Variants in ROBO2 observed in about 807,000 individuals in gnomAD.
ROBO2 encodes the protein roundabout guidance receptor 2.
In ROBO2, 53 loss-of-function variants were observed where a neutral mutation model predicts 160.8. The ratio of observed to expected loss-of-function variants is 0.33; its 90% CI spans 0.26 to 0.41. The LOEUF (loss-of-function observed/expected upper bound fraction) is 0.41. ROBO2 is among the 10% of genes least tolerant of loss of function. The pLI is 1.00. For missense variants in ROBO2, 1,577 were observed against 1,722.4 expected (o/e 0.92, Z 1.49); for synonymous variants, 664 against 611.7 (o/e 1.09, Z -1.26).
At chr3:76,850,469 A>C (rs947557546) in intron 2 of ROBO2, among the ~76,000 whole-genome samples, 2 of 152,112 alleles carry the variant, frequency 1.3e-5, no homozygotes, top group African/African-American at 4.8e-5. Flanking sequence ...GGATAAATAA[A>C]TACTCCAGCT....
At chr3:75,981,920 C>G (rs1170019433) in intron 2 of ROBO2, among the ~76,000 whole-genome samples, 1 of 151,294 alleles carries the variant, frequency 6.6e-6, no homozygotes, top group East Asian at 1.9e-4. Context: ...TCCCAAAAAC[C>G]CCCTACCCTT....
At chr3:77,375,701 T>G (rs771563185) in intron 2 of ROBO2, among the ~76,000 whole-genome samples, 12 of 152,216 alleles carry the variant, frequency 7.9e-5, no homozygotes, top group Non-Finnish European at 1.2e-4. Context: ...GGTTCTCAAC[T>G]GTTTTCTTCC....
intron 2 of ROBO2, among the ~76,000 whole-genome samples, chr3:76,848,221 A>T (rs2068964141): frequency 6.6e-6 from 1 of 152,166 alleles, no homozygotes; most frequent in Admixed American, 6.6e-5. Flanking sequence ...TCTCCAAATA[A>T]ATCTTATATT....
intron 2 of ROBO2, among the ~76,000 whole-genome samples, chr3:76,978,874 CT>C (rs202143795): frequency 2.5e-4 from 38 of 149,132 alleles, no homozygotes; most frequent in South Asian, 1.5e-3. Flanking sequence ...TCTTGTTTTA[CT>C]TTTTTTTGTG....
intron 2 of ROBO2, among the ~76,000 whole-genome samples, chr3:76,519,299 G>A (rs536360455): frequency 2.0e-5 from 3 of 152,274 alleles, no homozygotes; most frequent in Admixed American, 6.5e-5. Context: ...TTCCTACTAC[G>A]TGAGCAGAGT....
At chr3:75,916,501 G>C (rs1218937183) in intron 1 of ROBO2, among the ~76,000 whole-genome samples, 1 of 152,052 alleles carries the variant, frequency 6.6e-6, no homozygotes, top group East Asian at 1.9e-4. Context: ...TGCTTTTATT[G>C]ACAGAACAAG....
intron 2 of ROBO2, among the ~76,000 whole-genome samples, chr3:77,336,333 T>TATCCAACA (rs536454262): frequency 3.0e-3 from 459 of 152,246 alleles, no homozygotes; most frequent in Non-Finnish European, 4.1e-3. Context: ...TTGTAACATT[T>TATCCAACA]ATCCAACAAG....
At chr3:76,374,183 A>T (rs1402480170) in intron 2 of ROBO2, among the ~76,000 whole-genome samples, 1 of 151,924 alleles carries the variant, frequency 6.6e-6, no homozygotes, top group South Asian at 2.1e-4. Flanking sequence ...TCATGGAAGG[A>T]GCTATGAATT....
chr3:76,894,101 G>T (rs1343556406), intron 2 of ROBO2, among the ~76,000 whole-genome samples: 1 of 151,976 alleles, frequency 6.6e-6, no homozygotes, highest in Non-Finnish European at 1.5e-5. Context: ...TCTGTACTTT[G>T]TTATTCAGGT....
At chr3:76,672,374 A>G (rs2092292146) in intron 2 of ROBO2, among the ~76,000 whole-genome samples, 2 of 152,176 alleles carry the variant, frequency 1.3e-5, no homozygotes, top group Non-Finnish European at 2.9e-5. Flanking sequence ...ATACTAGACA[A>G]TATCTTTATT....
intron 2 of ROBO2, among the ~76,000 whole-genome samples, chr3:76,733,863 CA>C (rs2093671258): frequency 6.6e-6 from 1 of 152,082 alleles, no homozygotes; most frequent in Non-Finnish European, 1.5e-5. Context: ...CTGGGAAGTC[CA>C]AGATCAAGGT....
At chr3:76,384,526 G>A (rs2076788328) in intron 2 of ROBO2, among the ~76,000 whole-genome samples, 1 of 152,184 alleles carries the variant, frequency 6.6e-6, no homozygotes, top group African/African-American at 2.4e-5. Flanking sequence ...GTATTAGTGT[G>A]TGTGCATGTA....
At chr3:77,450,910 T>G (rs2081050547) in intron 2 of ROBO2, among the ~76,000 whole-genome samples, 3 of 150,580 alleles carry the variant, frequency 2.0e-5, no homozygotes, top group Admixed American at 1.3e-4. Context: ...ATAGTGAAAT[T>G]TATGAAAGAA....
chr3:76,246,841 T>A (rs1442008198), intron 2 of ROBO2, among the ~76,000 whole-genome samples: 1 of 152,164 alleles, frequency 6.6e-6, no homozygotes, highest in African/African-American at 2.4e-5. Flanking sequence ...TAGAATTGAC[T>A]TGGTTTATCA....
chr3:76,503,502 C>A (rs1417218232), intron 2 of ROBO2, among the ~76,000 whole-genome samples: 1 of 152,066 alleles, frequency 6.6e-6, no homozygotes, highest in Non-Finnish European at 1.5e-5. Context: ...GTTTGAACTC[C>A]CATGTTCATT....
At chr3:77,423,202 C>T (rs951250379) in intron 2 of ROBO2, among the ~76,000 whole-genome samples, 14 of 152,072 alleles carry the variant, frequency 9.2e-5, no homozygotes, top group Admixed American at 3.3e-4. Flanking sequence ...TTAATCTTAC[C>T]GTTTAGTTTC....
chr3:76,049,383 G>GTGTATGTATATATATATATA (rs1440395230), intron 2 of ROBO2, among the ~76,000 whole-genome samples: 1 of 36,812 alleles, frequency 2.7e-5, no homozygotes, highest in African/African-American at 1.1e-4. Context: ...GCTAATTTTA[G>GTGTATGTATATATATATATA]TATATATATA....
At chr3:77,445,166 G>C (rs1396885204) in intron 2 of ROBO2, among the ~76,000 whole-genome samples, 1 of 152,128 alleles carries the variant, frequency 6.6e-6, no homozygotes, top group Non-Finnish European at 1.5e-5. Context: ...GAAGACAGGA[G>C]AGCAGAAAGA....
chr3:77,647,371 T>C (rs1480776613), exon 26 of ROBO2: 1 of 152,142 alleles, frequency 6.6e-6, no homozygotes, highest in East Asian at 1.9e-4. Context: ...TATTCTATGG[T>C]ACATTCTCAG....
Sources: gnomAD v4.1 joint callset for allele counts (sites outside exome capture counted in the v4.1 genomes callset) on GRCh38, gnomAD v4.1.1 for gene constraint, MANE v1.5 for transcripts, NCBI Gene and HGNC (gene_info 2026-07-23, HGNC 2026-07-21) for gene names.